The following HUNK variants were observed in gnomAD, a reference collection of about 807,000 sequenced individuals.
HUNK encodes the protein hormonally up-regulated Neu-associated kinase, also known as hormonally up-regulated neu tumor-associated kinase.
HUNK carries 21 observed loss-of-function variants against 61.0 expected under a neutral mutation model. The ratio of observed to expected loss-of-function variants is 0.34; its 90% CI spans 0.24 to 0.50. The LOEUF (loss-of-function observed/expected upper bound fraction) is 0.50, where lower values mean the gene tolerates loss of function less well. Among genes scored for constraint, HUNK ranks in the 20% least tolerant of loss-of-function variants. The pLI, the probability that HUNK is intolerant of heterozygous loss-of-function variation, is 0.98. For missense variants in HUNK, 772 were observed against 945.7 expected (o/e 0.82, Z 2.41); for synonymous variants, 371 against 386.1 (o/e 0.96, Z 0.46).
chr21:31,984,829 C>G (rs985653725), intron 8 of HUNK, among the ~76,000 whole-genome samples: 1 of 152,138 alleles, frequency 6.6e-6, no homozygotes, highest in Non-Finnish European at 1.5e-5. Flanking sequence ...CCTGGGACAC[C>G]CAGGTCTATT....
rs2053244432 is a variant in HUNK, at chr21:32,001,298, A to G, written c.*2114A>G. 6.6e-6 allele frequency: 1 copy of G among 152,146 alleles called. No individual in the cohort carries two copies. Among genetic ancestry groups the G allele is most frequent in the Non-Finnish European group, 1.5e-5 (1 of 68,030 alleles). 9.4% of individuals were successfully genotyped at this position (152,146 alleles called of 1,614,324 possible). ...CTCCAAAAAAAGAAAATAGAGCTTT[A>G]TAAGCAGAGAGAAGAAAATAATCAT... On this transcript the variant is annotated 3_prime_UTR_variant, in exon 11 of 11. Coordinates refer to ENST00000270112, the MANE Select transcript of HUNK (RefSeq NM_014586.2).
chr21:31,908,387 G>A (rs1052562017), intron 1 of HUNK, among the ~76,000 whole-genome samples: 4 of 152,080 alleles, frequency 2.6e-5, no homozygotes, highest in Non-Finnish European at 4.4e-5. Context: ...CCGGGAGGGT[G>A]GGGGAGTGCT....
At chr21:31,916,201 C>T (rs1568924342) in intron 1 of HUNK, among the ~76,000 whole-genome samples, 2 of 151,866 alleles carry the variant, frequency 1.3e-5, no homozygotes, top group African/African-American at 2.4e-5. Context: ...CAGGCACCCA[C>T]CACCATACCC....
chr21:31,942,604 G>T (rs2068477585), intron 3 of HUNK, among the ~76,000 whole-genome samples: 1 of 152,124 alleles, frequency 6.6e-6, no homozygotes, highest in African/African-American at 2.4e-5. Flanking sequence ...CCCTCTTGCT[G>T]CATGTTATGG....
In HUNK at chr21:31,913,790, A is replaced by G. The variant is rs559950842; in HGVS notation, c.262-10678A>G. Among the ~76,000 whole-genome samples the G allele has an allele frequency of 2.3e-3, 342 of 151,742 alleles. 1 individual carries two copies. Among genetic ancestry groups the G allele is most frequent in the African/African-American group, 8.0e-3 (332 of 41,368 alleles). On this transcript the variant is annotated intron_variant, in intron 1 of 10. Coordinates refer to ENST00000270112, the MANE Select transcript of HUNK (RefSeq NM_014586.2). ...AGAACCTCAGGGAGGCTACTGGGGG[A>G]GAAGCAGGAGGTGTGGGACCTGGGA... is the stretch of plus-strand genomic sequence containing the variant.
At chr21:31,904,414 C>G (rs2052490763) in intron 1 of HUNK, among the ~76,000 whole-genome samples, 1 of 152,108 alleles carries the variant, frequency 6.6e-6, no homozygotes, top group South Asian at 2.1e-4. Context: ...ATGGTGACCT[C>G]TTTTTGCAAA....
intron 3 of HUNK, among the ~76,000 whole-genome samples, chr21:31,945,126 G>T (rs940501561): frequency 6.6e-6 from 1 of 152,128 alleles, no homozygotes; most frequent in Non-Finnish European, 1.5e-5. Context: ...GTGGGGGATG[G>T]ACCATAATAT....
chr21:31,878,498 G>T (rs912882201), intron 1 of HUNK, among the ~76,000 whole-genome samples: 5 of 152,022 alleles, frequency 3.3e-5, no homozygotes, highest in African/African-American at 1.2e-4. Flanking sequence ...ACTTTGGGAG[G>T]CCGAAGTGGG....
chr21:31,909,727 G>A (rs530489447), intron 1 of HUNK, among the ~76,000 whole-genome samples: 6 of 152,166 alleles, frequency 3.9e-5, no homozygotes, highest in Non-Finnish European at 8.8e-5. Flanking sequence ...GCAAATCGGA[G>A]CAACACTGAA....
intron 1 of HUNK, among the ~76,000 whole-genome samples, chr21:31,913,287 C>T (rs78507876): frequency 0.016 from 2,461 of 151,940 alleles, 61 homozygotes; most frequent in African/African-American, 0.055. Flanking sequence ...TTGACCTGGC[C>T]AAGAGTGTGT....
rs540223314 is a variant in HUNK at position 31,963,348 on chromosome 21, C to T, written c.874+4378C>T. Reference sequence around the variant, plus strand: ...TTCTCTGATTTTATTTAGTATAAGACGCACCCCCCCTACAAAAAGTTGGAG... The same window carrying T: ...TTCTCTGATTTTATTTAGTATAAGATGCACCCCCCCTACAAAAAGTTGGAG... On this transcript the variant is annotated intron_variant, in intron 5 of 10. Transcript: ENST00000270112. 3.2e-4 allele frequency among the ~76,000 whole-genome samples: 49 copies of T among 152,222 alleles called. 1 individual carries two copies. The highest frequency in any genetic ancestry group is 1.0e-3 in the African/African-American group (42 of 41,538).
chr21:31,965,850 C>T (rs944179065), intron 5 of HUNK, among the ~76,000 whole-genome samples: 3 of 152,088 alleles, frequency 2.0e-5, no homozygotes, highest in Non-Finnish European at 2.9e-5. Flanking sequence ...GATCCACTCA[C>T]CTCGTCCTCC....
chr21:31,945,861 G>A (rs1035642679), intron 3 of HUNK, among the ~76,000 whole-genome samples, 175 bp from the exon 4 acceptor site: 1 of 152,124 alleles, frequency 6.6e-6, no homozygotes, highest in Non-Finnish European at 1.5e-5. Context: ...CTTGAGTCTC[G>A]TATCCAGACG....
intron 2 of HUNK, among the ~76,000 whole-genome samples, chr21:31,938,541 C>T (rs779501761): frequency 2.6e-5 from 4 of 152,222 alleles, no homozygotes; most frequent in Admixed American, 6.5e-5. Flanking sequence ...TCCTAGCTAT[C>T]GCTCCTTTTT....
At chr21:31,930,779 C>T (rs1329109585) in intron 2 of HUNK, among the ~76,000 whole-genome samples, 1 of 152,102 alleles carries the variant, frequency 6.6e-6, no homozygotes, top group Non-Finnish European at 1.5e-5. Flanking sequence ...CATATTCTCC[C>T]TGGAATTTCA....
At position 31,999,199 on chromosome 21, in the gene HUNK, G is replaced by A. The variant is rs1399190554; in HGVS notation, c.*15G>A. 17 of 1,578,428 alleles carry A rather than the reference G, an allele frequency of 1.1e-5. No individual in the cohort carries two copies. Among genetic ancestry groups the A allele is most frequent in the Non-Finnish European group, 1.2e-5 (14 of 1,162,920 alleles). ...CCCAGTGCTAACTTGGGCCAGCGGG[G>A]TTTGGGGTATCTCTAGAAAACAGCA... On this transcript the variant is annotated 3_prime_UTR_variant, in exon 11 of 11. Coordinates refer to ENST00000270112, the MANE Select transcript of HUNK (RefSeq NM_014586.2).
chr21:31,934,590 T>C (rs552838698), intron 2 of HUNK, among the ~76,000 whole-genome samples: 6 of 152,122 alleles, frequency 3.9e-5, no homozygotes, highest in Non-Finnish European at 8.8e-5. Context: ...AGGTTTGGGG[T>C]ACAGATTCCA....
At chr21:31,887,077 G>C (rs2052352357) in intron 1 of HUNK, among the ~76,000 whole-genome samples, 1 of 152,202 alleles carries the variant, frequency 6.6e-6, no homozygotes, top group Non-Finnish European at 1.5e-5. Context: ...TGCTCTGGGT[G>C]TGCCTGTCTG....
chr21:31,920,734 G>A (rs2052616913), intron 1 of HUNK, among the ~76,000 whole-genome samples: 1 of 152,170 alleles, frequency 6.6e-6, no homozygotes, highest in Non-Finnish European at 1.5e-5. Flanking sequence ...ACTTGAGGTA[G>A]TGCAGGCCCC....
Sources: gnomAD v4.1 joint callset for allele counts (sites outside exome capture counted in the v4.1 genomes callset) on GRCh38, gnomAD v4.1.1 for gene constraint, MANE v1.5 for transcripts, NCBI Gene and HGNC (gene_info 2026-07-23, HGNC 2026-07-21) for gene names.